ERC2: variants seen among roughly 807,000 people sequenced by gnomAD.
The protein encoded by ERC2 is ELKS/RAB6-interacting/CAST family member 2.
A neutral mutation model predicts 114.8 loss-of-function variants in ERC2; 42 were observed. That is an observed-to-expected ratio of 0.37 (90% CI 0.29 to 0.47). The LOEUF (loss-of-function observed/expected upper bound fraction) is 0.47, where lower values mean the gene tolerates loss of function less well. Ranked by LOEUF, ERC2 falls within the 20% of genes least tolerant of loss-of-function variation. The pLI, the probability that ERC2 is intolerant of heterozygous loss-of-function variation, is 0.99. For missense variants in ERC2, 939 were observed against 1,150.7 expected (o/e 0.82, Z 2.66); for synonymous variants, 454 against 425.5 (o/e 1.07, Z -0.82).
intron 14 of ERC2, among the ~76,000 whole-genome samples, chr3:55,815,937 C>A (rs2059891375): frequency 6.6e-6 from 1 of 152,188 alleles, no homozygotes; most frequent in African/African-American, 2.4e-5. Context: ...GAAAACCTAC[C>A]AGACTGCCTC....
chr3:55,899,811 A>G (rs2064037220), intron 13 of ERC2, among the ~76,000 whole-genome samples: 1 of 152,206 alleles, frequency 6.6e-6, no homozygotes, highest in Non-Finnish European at 1.5e-5. Flanking sequence ...CACATACTCT[A>G]TTATATATTT....
chr3:56,063,749 T>C lies in ERC2; in HGVS notation c.1641+17068A>G, dbSNP rs541261604. On this transcript the variant is annotated intron_variant, in intron 7 of 17. Coordinates refer to ENST00000288221, the MANE Select transcript of ERC2 (RefSeq NM_015576.3). The stretch of plus-strand genomic sequence containing the variant: ...CATGCATGTATGTATGCATAAGTTA[T>C]GTCTGTGTATAAAGTTTTTAAAATA... Among the ~76,000 whole-genome samples the C allele has an allele frequency of 1.1e-4, 16 of 152,342 alleles. No individual in the cohort carries two copies. In the East Asian group the frequency reaches 2.9e-3, roughly 28 times the overall value.
intron 14 of ERC2, among the ~76,000 whole-genome samples, chr3:55,875,508 T>C (rs2062787162): frequency 6.6e-6 from 1 of 152,192 alleles, no homozygotes; most frequent in South Asian, 2.1e-4. Context: ...TTTCACAATC[T>C]GTTGGTTCCC....
intron 17 of ERC2, among the ~76,000 whole-genome samples, chr3:55,637,458 T>A (rs1391734227): frequency 6.6e-6 from 1 of 151,548 alleles, no homozygotes; most frequent in Non-Finnish European, 1.5e-5. Context: ...AGAAGTGGAG[T>A]TCAGAAGGCA....
intron 13 of ERC2, among the ~76,000 whole-genome samples, chr3:55,914,835 G>A (rs1486510064): frequency 6.6e-6 from 1 of 152,190 alleles, no homozygotes; most frequent in Non-Finnish European, 1.5e-5. Context: ...TGAGGAGCTA[G>A]AGGTGTGCTT....
At chr3:56,261,711 T>A (rs1188228432) in intron 3 of ERC2, among the ~76,000 whole-genome samples, 1 of 151,924 alleles carries the variant, frequency 6.6e-6, no homozygotes, top group African/African-American at 2.4e-5. Context: ...TTTTTTAACT[T>A]TTATTTTAAG....
chr3:56,310,955 C>T (rs1290769789), intron 2 of ERC2, among the ~76,000 whole-genome samples: 1 of 151,734 alleles, frequency 6.6e-6, no homozygotes, highest in Non-Finnish European at 1.5e-5. Context: ...AAGGAAAGCA[C>T]TCTGAACACA....
intron 2 of ERC2, among the ~76,000 whole-genome samples, chr3:56,342,313 G>A (rs193063701): frequency 2.5e-4 from 38 of 152,312 alleles, no homozygotes; most frequent in African/African-American, 8.2e-4. Context: ...ACAAAAACAC[G>A]TAACACTTCA....
chr3:55,712,486 T>C (rs940354034), intron 15 of ERC2, among the ~76,000 whole-genome samples: 1 of 152,224 alleles, frequency 6.6e-6, no homozygotes, highest in African/African-American at 2.4e-5. Flanking sequence ...GGGGCTTTAC[T>C]TCTCTGCAGA....
intron 2 of ERC2, among the ~76,000 whole-genome samples, chr3:56,337,754 C>T (rs556400810): frequency 6.6e-6 from 1 of 152,302 alleles, no homozygotes; most frequent in East Asian, 1.9e-4. Flanking sequence ...AAGATGTGTA[C>T]TCAGCAGGCG....
chr3:55,858,537 G>T (rs1449587392), intron 14 of ERC2, among the ~76,000 whole-genome samples: 1 of 152,214 alleles, frequency 6.6e-6, no homozygotes, highest in Non-Finnish European at 1.5e-5. Flanking sequence ...CAATGAAACA[G>T]AAGATAGGTA....
At chr3:55,866,146 T>A (rs1234229701) in intron 14 of ERC2, among the ~76,000 whole-genome samples, 1 of 152,188 alleles carries the variant, frequency 6.6e-6, no homozygotes, top group Non-Finnish European at 1.5e-5. Context: ...CTGATAACCA[T>A]CCTAGTGGAT....
At chr3:56,446,592 A>T (rs1304700009) in intron 1 of ERC2, among the ~76,000 whole-genome samples, 2 of 150,788 alleles carry the variant, frequency 1.3e-5, no homozygotes, top group African/African-American at 4.9e-5. Flanking sequence ...AAGGAAGTCA[A>T]TAGAGGGCGC....
At chr3:56,325,453 T>TA (rs545638867) in intron 2 of ERC2, among the ~76,000 whole-genome samples, 318 of 145,892 alleles carry the variant, frequency 2.2e-3, no homozygotes, top group South Asian at 0.018. Flanking sequence ...CTCAAAAAAA[T>TA]AAAAAAAAAA....
At chr3:56,413,770 A>G (rs2061034570) in intron 2 of ERC2, among the ~76,000 whole-genome samples, 1 of 152,224 alleles carries the variant, frequency 6.6e-6, no homozygotes, top group Admixed American at 6.5e-5. Context: ...CTTCTGAATG[A>G]TATTGCAGGT....
chr3:55,694,464 C>T (rs558261042), intron 16 of ERC2, among the ~76,000 whole-genome samples: 3 of 152,290 alleles, frequency 2.0e-5, no homozygotes, highest in Admixed American at 6.5e-5. Context: ...TATCATGTCT[C>T]CATGCTCCTA....
intron 12 of ERC2, among the ~76,000 whole-genome samples, chr3:55,954,564 G>A (rs773247231): frequency 1.3e-5 from 2 of 152,126 alleles, no homozygotes; most frequent in Non-Finnish European, 2.9e-5. Context: ...ATGCATATTT[G>A]CAAAACAAGG....
At chr3:55,659,420 C>T (rs1037696233) in intron 17 of ERC2, 9 of 152,242 alleles carry the variant, frequency 5.9e-5, no homozygotes, top group South Asian at 2.1e-4. Flanking sequence ...GAACAAACCC[C>T]GTGGCCCCTC....
intron 14 of ERC2, among the ~76,000 whole-genome samples, chr3:55,755,072 C>T (rs2066962670): frequency 6.7e-6 from 1 of 149,496 alleles, no homozygotes; most frequent in African/African-American, 2.5e-5. Context: ...TAGTGATTGG[C>T]TATTCATCTT....
Sources: gnomAD v4.1 joint callset for allele counts (sites outside exome capture counted in the v4.1 genomes callset) on GRCh38, gnomAD v4.1.1 for gene constraint, MANE v1.5 for transcripts, NCBI Gene and HGNC (gene_info 2026-07-23, HGNC 2026-07-21) for gene names.